Variants in SHISA9 observed in about 807,000 individuals in gnomAD.
The protein encoded by SHISA9 is protein shisa-9.
In SHISA9, 13 loss-of-function variants were observed where a neutral mutation model predicts 38.0. The observed-to-expected ratio is 0.34, with a 90% CI of 0.22 to 0.54. The LOEUF (loss-of-function observed/expected upper bound fraction) is 0.54, where lower values mean the gene tolerates loss of function less well. Among genes scored for constraint, SHISA9 ranks in the 20% least tolerant of loss-of-function variants. The pLI is 0.91. For missense variants in SHISA9, 538 were observed against 575.8 expected, an observed-to-expected ratio of 0.93 and a Z score of 0.67; for synonymous variants, 275 against 242.0, an observed-to-expected ratio of 1.14 and a Z score of -1.27.
the SHISA9 span, among the ~76,000 whole-genome samples, chr16:13,558,095 C>A: frequency 6.6e-6 from 1 of 152,102 alleles, no homozygotes; most frequent in African/African-American, 2.4e-5. Context: ...TATAAACTTC[C>A]TTTTCTGCTT....
At chr16:13,475,393 A>G in the SHISA9 span, among the ~76,000 whole-genome samples, 1 of 151,718 alleles carries the variant, frequency 6.6e-6, no homozygotes, top group Non-Finnish European at 1.5e-5. Context: ...TATGAAAGAG[A>G]TTATGAAGTT....
intron 2 of SHISA9, among the ~76,000 whole-genome samples, chr16:12,935,955 C>T (rs1302215293): frequency 4.0e-5 from 6 of 151,358 alleles, no homozygotes; most frequent in Non-Finnish European, 8.8e-5. Flanking sequence ...TCTCAGAAGG[C>T]TACTGAGGCA....
At chr16:13,318,209 GT>G in the SHISA9 span, among the ~76,000 whole-genome samples, 3 of 152,230 alleles carry the variant, frequency 2.0e-5, no homozygotes, top group East Asian at 3.9e-4. Flanking sequence ...TCAATTCTTT[GT>G]TGGGAGGAGC....
At chr16:13,196,846 C>T (rs2050948297) in intron 2 of SHISA9, among the ~76,000 whole-genome samples, 1 of 152,180 alleles carries the variant, frequency 6.6e-6, no homozygotes, top group South Asian at 2.1e-4. Flanking sequence ...GTAATCCCAG[C>T]ACTTTGGGAG....
intron 2 of SHISA9, among the ~76,000 whole-genome samples, chr16:13,142,869 A>G (rs1389671459): frequency 2.6e-5 from 4 of 152,090 alleles, no homozygotes; most frequent in African/African-American, 9.7e-5. Context: ...ACTGTAACAG[A>G]GCTATATGGC....
At chr16:13,212,692 C>T (rs2051132015) in intron 3 of SHISA9, among the ~76,000 whole-genome samples, 1 of 152,194 alleles carries the variant, frequency 6.6e-6, no homozygotes, top group African/African-American at 2.4e-5. Flanking sequence ...TTTCCAAACA[C>T]AGAATGTGTG....
the SHISA9 span, among the ~76,000 whole-genome samples, chr16:13,344,412 C>A: frequency 6.6e-6 from 1 of 152,094 alleles, no homozygotes; most frequent in African/African-American, 2.4e-5. Context: ...CTTGTTTTCC[C>A]CCATCATTCC....
chr16:13,469,969 A>G, the SHISA9 span, among the ~76,000 whole-genome samples: 1 of 152,204 alleles, frequency 6.6e-6, no homozygotes, highest in South Asian at 2.1e-4. Context: ...GGGATCTGCT[A>G]TTGAACATCT....
the SHISA9 span, among the ~76,000 whole-genome samples, chr16:13,390,623 T>A: frequency 6.6e-6 from 1 of 152,212 alleles, no homozygotes; most frequent in Non-Finnish European, 1.5e-5. Flanking sequence ...ACCTCCTGCC[T>A]CTTTCTTCAG....
chr16:13,042,211 A>G (rs1404467991), intron 2 of SHISA9, among the ~76,000 whole-genome samples: 1 of 152,150 alleles, frequency 6.6e-6, no homozygotes, highest in Admixed American at 6.5e-5. Context: ...ACTGGTCGCT[A>G]CCTTTACCTC....
intron 2 of SHISA9, among the ~76,000 whole-genome samples, chr16:13,159,427 C>T (rs542063867): frequency 1.3e-5 from 2 of 152,266 alleles, no homozygotes; most frequent in South Asian, 4.2e-4. Flanking sequence ...CTCACAGATG[C>T]TCCTGAGCAC....
intron 2 of SHISA9, among the ~76,000 whole-genome samples, chr16:13,188,716 C>T (rs377140860): frequency 1.0e-4 from 8 of 79,334 alleles, no homozygotes; most frequent in East Asian, 7.7e-4. Context: ...GACCCTGTTT[C>T]AAAAAAAAAA....
the SHISA9 span, among the ~76,000 whole-genome samples, chr16:13,489,789 A>G: frequency 2.1e-4 from 32 of 152,318 alleles, no homozygotes; most frequent in Admixed American, 2.0e-3. Flanking sequence ...ATGCTATGAG[A>G]TAGATTCTAT....
chr16:13,496,012 T>G, the SHISA9 span, among the ~76,000 whole-genome samples: 1 of 151,988 alleles, frequency 6.6e-6, no homozygotes, highest in Non-Finnish European at 1.5e-5. Context: ...AAAGCAATAA[T>G]CACAGAGACA....
chr16:13,284,234 T>G, the SHISA9 span, among the ~76,000 whole-genome samples: 1 of 152,160 alleles, frequency 6.6e-6, no homozygotes, highest in Non-Finnish European at 1.5e-5. Context: ...CTTACCTAGG[T>G]GTTTCCTCTT....
chr16:13,530,869 C>T, the SHISA9 span, among the ~76,000 whole-genome samples: 2 of 152,152 alleles, frequency 1.3e-5, no homozygotes, highest in Non-Finnish European at 2.9e-5. Flanking sequence ...CAACTTTAGC[C>T]AATGAGACAA....
intron 2 of SHISA9, among the ~76,000 whole-genome samples, chr16:12,975,659 G>GT (rs1208070763): frequency 2.0e-5 from 3 of 148,522 alleles, no homozygotes; most frequent in African/African-American, 7.4e-5. Flanking sequence ...ACGGGGGCGG[G>GT]GGGGGTAAGG....
At chr16:13,365,552 G>C in the SHISA9 span, among the ~76,000 whole-genome samples, 1 of 151,000 alleles carries the variant, frequency 6.6e-6, no homozygotes, top group Admixed American at 6.6e-5. Context: ...CGCCTCCCGG[G>C]TTCAAGCTAT....
intron 2 of SHISA9, among the ~76,000 whole-genome samples, chr16:13,044,484 G>A (rs1310178285): frequency 6.6e-6 from 1 of 152,222 alleles, no homozygotes; most frequent in African/African-American, 2.4e-5. Context: ...CCATAGGGGA[G>A]TGAATGAAAT....
Sources: gnomAD v4.1 joint callset for allele counts (sites outside exome capture counted in the v4.1 genomes callset) on GRCh38, gnomAD v4.1.1 for gene constraint, MANE v1.5 for transcripts, NCBI Gene and HGNC (gene_info 2026-07-23, HGNC 2026-07-21) for gene names.